Variants in SLC9A9 observed in about 807,000 individuals in gnomAD.
SLC9A9 encodes the protein sodium/hydrogen exchanger 9.
A neutral mutation model predicts 77.8 loss-of-function variants in SLC9A9; 62 were observed. The observed-to-expected ratio is 0.80, with a 90% confidence interval of 0.65 to 0.98. SLC9A9 has a LOEUF of 0.98. SLC9A9 is among the 50% of genes least tolerant of loss of function. The pLI is 0.00. For synonymous variants in SLC9A9, 320 were observed against 283.5 expected (o/e 1.13, Z -1.29); for missense variants, 775 against 774.9 (o/e 1.00, Z 0.00).
chr3:143,832,420 CT>C (rs1316661989), intron 1 of SLC9A9, among the ~76,000 whole-genome samples, 199 bp from the exon 2 acceptor site: 1 of 152,132 alleles, frequency 6.6e-6, no homozygotes, highest in Non-Finnish European at 1.5e-5. Context: ...AGCACCATTG[CT>C]TCAATACTCA....
At chr3:143,538,245 G>A (rs1472355950) in intron 9 of SLC9A9, among the ~76,000 whole-genome samples, 1 of 152,178 alleles carries the variant, frequency 6.6e-6, no homozygotes, top group African/African-American at 2.4e-5. Flanking sequence ...TGGAAGGTTA[G>A]ATTGTCTCAA....
chr3:143,710,114 CAG>C (rs1177379363), intron 4 of SLC9A9, among the ~76,000 whole-genome samples: 1 of 152,198 alleles, frequency 6.6e-6, no homozygotes, highest in Non-Finnish European at 1.5e-5. Flanking sequence ...TGTATCAACT[CAG>C]AAGCTCTAAC....
At chr3:143,617,768 A>G (rs1342432983) in intron 6 of SLC9A9, among the ~76,000 whole-genome samples, 2 of 152,196 alleles carry the variant, frequency 1.3e-5, no homozygotes, top group Admixed American at 6.5e-5. Flanking sequence ...TTAGCCCTGT[A>G]GGAATCTAAG....
intron 12 of SLC9A9, among the ~76,000 whole-genome samples, chr3:143,400,589 C>A (rs1202683884): frequency 2.0e-5 from 3 of 151,858 alleles, no homozygotes; most frequent in Non-Finnish European, 4.4e-5. Context: ...CCAGTGTATA[C>A]TACTCGGGTG....
intron 5 of SLC9A9, among the ~76,000 whole-genome samples, chr3:143,681,947 C>A (rs895568333): frequency 6.6e-6 from 1 of 152,180 alleles, no homozygotes; most frequent in Non-Finnish European, 1.5e-5. Context: ...CTACTACCAC[C>A]TTCCTACCAC....
At chr3:143,724,308 G>A (rs1175922031) in intron 4 of SLC9A9, among the ~76,000 whole-genome samples, 1 of 152,018 alleles carries the variant, frequency 6.6e-6, no homozygotes, top group African/African-American at 2.4e-5. Flanking sequence ...CTTCCCCTTT[G>A]CCTTCCACCA....
chr3:143,700,246 A>G (rs1476244547), intron 4 of SLC9A9, among the ~76,000 whole-genome samples: 2 of 151,948 alleles, frequency 1.3e-5, no homozygotes, highest in African/African-American at 2.4e-5. Context: ...TTCAGGTAAA[A>G]CTCAGCACAT....
intron 13 of SLC9A9, among the ~76,000 whole-genome samples, chr3:143,364,692 G>A (rs760075163): frequency 1.6e-4 from 24 of 152,156 alleles, no homozygotes; most frequent in Non-Finnish European, 2.5e-4. Flanking sequence ...TCTATCCCCC[G>A]CAAATGAAAT....
intron 4 of SLC9A9, among the ~76,000 whole-genome samples, chr3:143,728,601 G>T (rs1416176620): frequency 6.6e-6 from 1 of 152,092 alleles, no homozygotes; most frequent in Non-Finnish European, 1.5e-5. Context: ...GAAGGTGTGT[G>T]GCCTGTTTTT....
intron 6 of SLC9A9, among the ~76,000 whole-genome samples, chr3:143,606,487 G>A (rs770552740): frequency 1.3e-4 from 18 of 138,190 alleles, no homozygotes; most frequent in Middle Eastern, 7.8e-3. Flanking sequence ...ATGAAGGGAA[G>A]GCAGATAATT....
chr3:143,530,898 T>A (rs1449873335), intron 9 of SLC9A9, among the ~76,000 whole-genome samples: 1 of 152,210 alleles, frequency 6.6e-6, no homozygotes, highest in African/African-American at 2.4e-5. Context: ...TTTAGCATTT[T>A]ATGTTTTAGT....
At chr3:143,782,269 T>C (rs560040006) in intron 4 of SLC9A9, among the ~76,000 whole-genome samples, 2 of 152,308 alleles carry the variant, frequency 1.3e-5, no homozygotes, top group African/African-American at 4.8e-5. Context: ...AAGTAAGGTA[T>C]TAAATCTCTC....
chr3:143,519,534 G>A (rs1363422843), intron 9 of SLC9A9, among the ~76,000 whole-genome samples: 3 of 152,158 alleles, frequency 2.0e-5, no homozygotes, highest in African/African-American at 7.2e-5. Context: ...TAGTTTGGAA[G>A]AAGAGAAGGC....
chr3:143,812,821 C>G (rs778684728), intron 2 of SLC9A9, among the ~76,000 whole-genome samples: 6 of 152,122 alleles, frequency 3.9e-5, no homozygotes, highest in Non-Finnish European at 7.4e-5. Context: ...ACCCAGTGCC[C>G]CATCATTGAC....
intron 12 of SLC9A9, among the ~76,000 whole-genome samples, chr3:143,424,660 G>A (rs939279704): frequency 4.6e-5 from 7 of 151,988 alleles, no homozygotes; most frequent in African/African-American, 1.2e-4. Context: ...CACTGTGCCC[G>A]GCCTGAAACC....
chr3:143,547,829 C>T (rs933445054), intron 9 of SLC9A9, among the ~76,000 whole-genome samples: 7 of 152,190 alleles, frequency 4.6e-5, no homozygotes, highest in Non-Finnish European at 8.8e-5. Flanking sequence ...TATTATTGGC[C>T]TTATGTCTTA....
At chr3:143,608,776 G>C (rs1016896205) in intron 6 of SLC9A9, among the ~76,000 whole-genome samples, 4 of 152,190 alleles carry the variant, frequency 2.6e-5, no homozygotes, top group African/African-American at 9.7e-5. Flanking sequence ...TTGAGGTTAA[G>C]ATGTGGTTAC....
chr3:143,459,221 T>A (rs1287631521), intron 12 of SLC9A9, among the ~76,000 whole-genome samples: 1 of 152,108 alleles, frequency 6.6e-6, no homozygotes, highest in Non-Finnish European at 1.5e-5. Flanking sequence ...TTCCAATATA[T>A]GTGTCCATAC....
intron 7 of SLC9A9, among the ~76,000 whole-genome samples, chr3:143,576,442 G>A (rs758940790): frequency 1.3e-5 from 2 of 152,122 alleles, no homozygotes; most frequent in African/African-American, 2.4e-5. Flanking sequence ...CAGTTTCCTC[G>A]GGTGTAAGGT....
Sources: gnomAD v4.1 joint callset for allele counts (sites outside exome capture counted in the v4.1 genomes callset) on GRCh38, gnomAD v4.1.1 for gene constraint, MANE v1.5 for transcripts, NCBI Gene and HGNC (gene_info 2026-07-23, HGNC 2026-07-21) for gene names.